HSPA2: variants seen among roughly 807,000 people sequenced by gnomAD.
The protein encoded by HSPA2 is heat shock-related 70 kDa protein 2.
Under a neutral mutation model 35.0 loss-of-function variants are expected in HSPA2, and 13 were observed. The ratio of observed to expected loss-of-function variants is 0.37; its 90% CI spans 0.24 to 0.59. The LOEUF is 0.59. Among genes scored for constraint, HSPA2 ranks in the 20% least tolerant of loss-of-function variants. HSPA2 has a pLI of 0.70. For missense variants in HSPA2, 565 were observed against 885.4 expected (o/e 0.64, Z 4.59); for synonymous variants, 368 against 382.1 (o/e 0.96, Z 0.43).
chr14:64,541,273 A>G lies in HSPA2; in HGVS notation c.424A>G (p.Ser142Gly). 4 of 1,613,506 alleles carry G rather than the reference A, an allele frequency of 2.5e-6. No individual in the cohort carries two copies. The highest frequency in any genetic ancestry group is 3.4e-6 in the Non-Finnish European group (4 of 1,179,790). Residue 142 changes from serine to glycine, a missense_variant, in exon 1 of 1, where the codon AGC (serine) becomes GGC (glycine). Around this residue, in one of 4 missense-constraint regions of HSPA2, gnomAD observed 183 missense variants for 281.6 expected, o/e 0.65. Coordinates refer to ENST00000247207, the MANE Select transcript of HSPA2 (RefSeq NM_021979.4). ...AGCCTACCTGGGGGGCAAGGTGCAC[A>G]GCGCGGTCATAACGGTCCCGGCCTA... is the stretch of plus-strand genomic sequence containing the variant. The part of the protein sequence containing the change: ...AEAYLGGKVH[S>G]AVITVPAYFN...
chr14:64,539,537 C>A (rs926264148), upstream of HSPA2, among the ~76,000 whole-genome samples: 10 of 152,286 alleles, frequency 6.6e-5, no homozygotes, highest in Admixed American at 4.6e-4. Context: ...AAGAGTGAGG[C>A]AGGAAGGGTT....
At chr14:64,538,280 C>T (rs2079994657), upstream of HSPA2, among the ~76,000 whole-genome samples, 1 of 152,172 alleles carries the variant, frequency 6.6e-6, no homozygotes, top group South Asian at 2.1e-4. Context: ...TTTTCTCCAG[C>T]GCCATTTCAT....
chr14:64,541,014 C>T lies in HSPA2; in HGVS notation c.165C>T (p.Ala55=), dbSNP rs763199500. 8.7e-6 allele frequency: 14 copies of T among 1,614,068 alleles called. No individual in the cohort carries two copies. The highest frequency in any genetic ancestry group is 8.3e-5 in the Admixed American group (5 of 60,014). The change falls in exon 1 of 1, where the codon GCC becomes GCT. Residue 55 remains alanine, a synonymous_variant. Coordinates refer to ENST00000247207, the MANE Select transcript of HSPA2 (RefSeq NM_021979.4). The part of the protein sequence containing the change: ...FTDTERLIGD[A]AKNQVAMNPT... The stretch of plus-strand genomic sequence containing the variant: ...ACACCGAGCGCCTCATCGGCGACGC[C>T]GCCAAGAACCAGGTGGCCATGAACC...
At position 64,542,945 on chromosome 14, in the gene HSPA2, GTT is replaced by G; in HGVS notation, c.*181_*182del. 1 of 1,160,040 alleles carries G rather than the reference GTT, an allele frequency of 8.6e-7. No homozygotes were observed. Among genetic ancestry groups the G allele is most frequent in the Non-Finnish European group, 1.2e-6 (1 of 841,516 alleles). 71.9% of individuals were successfully genotyped at this position (1,160,040 alleles called of 1,614,324 possible). ...TTTAATTATAAAAGTTCCAAAGTTT[GTT>G]TTTTAAAAACATTATTCGAGGTTTC... is the stretch of plus-strand genomic sequence containing the variant. On this transcript the variant is annotated 3_prime_UTR_variant, in exon 1 of 1. Transcript: ENST00000247207. This position sits in a 1 kb window ranked among gnomAD's most constrained non-coding sequence, Gnocchi z 5.7.
Position 64,541,368 on chromosome 14 carries a change from C to A in HSPA2, c.519C>A (p.Ile173=), listed in dbSNP as rs145441361. ...GTITGLNVLR[I]INEPTAAAIA... ...TCACGGGGCTCAATGTGCTGCGCAT[C>A]ATCAACGAGCCCACGGCGGCGGCCA... The change falls in exon 1 of 1, where the codon ATC becomes ATA. Residue 173 remains isoleucine, a synonymous_variant. Transcript: ENST00000247207. 6.6e-5 allele frequency: 107 copies of A among 1,613,678 alleles called. No individual in the cohort carries two copies. The highest frequency in any genetic ancestry group is 8.6e-5 in the Non-Finnish European group (101 of 1,180,054).
At position 64,540,804 on chromosome 14, in the gene HSPA2, A is replaced by C. The variant is rs1193350199; in HGVS notation, c.-46A>C. 2 of 1,602,448 alleles carry C rather than the reference A, an allele frequency of 1.2e-6. No homozygotes were observed. The highest frequency in any genetic ancestry group is 1.3e-5 in the African/African-American group (1 of 74,758). Reference sequence around the variant, plus strand: ...GCCGTTAGTTGACTCCGCGGAGTTCATCTCCCTGGTTTTCCCGTCCTAACG... The same window carrying C: ...GCCGTTAGTTGACTCCGCGGAGTTCCTCTCCCTGGTTTTCCCGTCCTAACG... On this transcript the variant is annotated 5_prime_UTR_variant, in exon 1 of 1. Coordinates refer to ENST00000247207, the MANE Select transcript of HSPA2 (RefSeq NM_021979.4).
In HSPA2 at chr14:64,542,817, T is replaced by TC. The variant is rs749197869; in HGVS notation, c.*48_*49insC. On this transcript the variant is annotated 3_prime_UTR_variant, in exon 1 of 1. Coordinates refer to ENST00000247207, the MANE Select transcript of HSPA2 (RefSeq NM_021979.4). The surrounding 1 kb of genome is among the most constrained non-coding windows in gnomAD (Gnocchi z 5.7). ...ACCTCTTTGCCTTTCTCTCTCTCTC[T>TC]TTTTTTTTGTTTGTTTCTTTGAAAT... 2.0e-4 allele frequency: 274 copies of TC among 1,346,690 alleles called. No homozygotes were observed. The East Asian group carries it at 4.7e-3, about 23-fold the overall frequency. The allele number at this position is 1,346,690 out of a possible 1,614,324, so 83.4% of individuals were successfully genotyped here. A position where few individuals can be genotyped will look rare whatever the true frequency, so the allele number is the denominator to read the frequency against.
In HSPA2 at chr14:64,540,820, C is replaced by T. The variant is rs754795273; in HGVS notation, c.-30C>T. 2.5e-6 allele frequency: 4 copies of T among 1,608,904 alleles called. No homozygotes were observed. The highest frequency in any genetic ancestry group is 1.3e-5 in the African/African-American group (1 of 74,836). ...GCGGAGTTCATCTCCCTGGTTTTCCCGTCCTAACGTCGCTCGCCTTTCAGT... is the reference window on the plus strand; with the variant it reads ...GCGGAGTTCATCTCCCTGGTTTTCCTGTCCTAACGTCGCTCGCCTTTCAGT... On this transcript the variant is annotated 5_prime_UTR_variant, in exon 1 of 1. Coordinates refer to ENST00000247207, the MANE Select transcript of HSPA2 (RefSeq NM_021979.4).
Position 64,542,634 on chromosome 14 carries a change from T to G in HSPA2, c.1785T>G (p.Tyr595Ter). ...DRNQMAEKDEYEHKQKELERV... is the reference protein window; with the variant it reads ...DRNQMAEKDE ...ACCAGATGGCAGAGAAAGATGAGTA[T>G]GAACACAAGCAGAAAGAGCTCGAAA... is the stretch of plus-strand genomic sequence containing the variant. Residue 595 changes from tyrosine (Y) to a stop codon, truncating the protein, a stop_gained, in exon 1 of 1, where the codon TAT becomes TAG. Coordinates refer to ENST00000247207, the MANE Select transcript of HSPA2 (RefSeq NM_021979.4). LOFTEE classifies it high-confidence loss of function. The surrounding 1 kb of genome is among the most constrained non-coding windows in gnomAD (Gnocchi z 5.7). The G allele has an allele frequency of 6.2e-7, 1 of 1,613,836 alleles. No individual in the cohort carries two copies. The highest frequency in any genetic ancestry group is 8.5e-7 in the Non-Finnish European group (1 of 1,179,986).
rs747634703 is a variant in HSPA2 at position 64,541,930 on chromosome 14, G to A, written c.1081G>A (p.Glu361Lys). The change falls in exon 1 of 1, where the codon GAG becomes AAG. Residue 361 changes from glutamate (E) to lysine (K), a missense_variant. Glu to Lys is a moderately conservative substitution (Grantham distance 56). Around this residue, in one of 4 missense-constraint regions of HSPA2, gnomAD observed 234 missense variants for 419.0 expected, o/e 0.56. Coordinates refer to ENST00000247207, the MANE Select transcript of HSPA2 (RefSeq NM_021979.4). ...KLLQDFFNGK[E>K]LNKSINPDEA... is the part of the protein sequence containing the mutation. ...GCTGCAGGATTTCTTCAACGGCAAGGAGCTGAACAAGAGCATCAACCCCGA... is the reference window on the plus strand; with the variant it reads ...GCTGCAGGATTTCTTCAACGGCAAGAAGCTGAACAAGAGCATCAACCCCGA... 2.5e-6 allele frequency: 4 copies of A among 1,613,496 alleles called. No individual in the cohort carries two copies. The East Asian group carries it at 8.9e-5, about 36-fold the overall frequency.
upstream of HSPA2, chr14:64,535,998 T>G (rs2079978902): frequency 6.8e-6 from 1 of 146,750 alleles, no homozygotes; most frequent in East Asian, 2.0e-4. Context: ...AACCTTTTTT[T>G]CCCTTATAGA....
At chr14:64,538,139 A>C (rs988803014), upstream of HSPA2, among the ~76,000 whole-genome samples, 1 of 152,252 alleles carries the variant, frequency 6.6e-6, no homozygotes, top group Non-Finnish European at 1.5e-5. Flanking sequence ...ACCGATTAAT[A>C]ACCAATTATG....
chr14:64,539,642 G>A (rs1412295134), upstream of HSPA2, among the ~76,000 whole-genome samples: 1 of 152,106 alleles, frequency 6.6e-6, no homozygotes, highest in Non-Finnish European at 1.5e-5. Flanking sequence ...GGTCGGCCTC[G>A]CCCTGGGCTC....
Position 64,542,499 on chromosome 14 carries a change from C to CA in HSPA2, c.1652dup (p.Asn551LysfsTer16), listed in dbSNP as rs2080041853. On this transcript the variant is annotated frameshift_variant, in exon 1 of 1. Coordinates refer to ENST00000247207, the MANE Select transcript of HSPA2 (RefSeq NM_021979.4). LOFTEE classifies it high-confidence loss of function. This position sits in a 1 kb window ranked among gnomAD's most constrained non-coding sequence, Gnocchi z 5.7. Reference sequence around the variant, plus strand: ...AAAACGCCCTGGAGTCCTATACCTACAACATCAAGCAGACGGTGGAAGACG... The same window carrying CA: ...AAAACGCCCTGGAGTCCTATACCTACAAACATCAAGCAGACGGTGGAAGACG... The CA allele has an allele frequency of 6.2e-7, 1 of 1,613,336 alleles. No homozygotes were observed. The highest frequency in any genetic ancestry group is 1.3e-5 in the African/African-American group (1 of 74,742).
At chr14:64,540,519 G>A (rs1256614435), upstream of HSPA2, 4 of 338,570 alleles carry the variant, frequency 1.2e-5, no homozygotes, top group Non-Finnish European at 2.2e-5. Context: ...GAGAGTCAGG[G>A]AGGAACCTCA....
chr14:64,541,078 C>T lies in HSPA2; in HGVS notation c.229C>T (p.Arg77Trp). Residue 77 changes from arginine (R) to tryptophan (W), a missense_variant, in exon 1 of 1, where the codon CGG (arginine) becomes TGG (tryptophan). By Grantham distance (101) the Arg-to-Trp change is moderately radical (BLOSUM62 -3). Around this residue, in one of 4 missense-constraint regions of HSPA2, gnomAD observed 183 missense variants for 281.6 expected, o/e 0.65. Transcript: ENST00000247207. ...TIFDAKRLIGRKFEDATVQSD... is the reference protein window; with the variant it reads ...TIFDAKRLIGWKFEDATVQSD... ...CTTCGACGCCAAGAGGCTGATTGGA[C>T]GGAAATTCGAGGATGCCACAGTGCA... 10 of 1,614,220 alleles carry T rather than the reference C, an allele frequency of 6.2e-6. No homozygotes were observed. The highest frequency in any genetic ancestry group is 8.5e-6 in the Non-Finnish European group (10 of 1,180,048).
chr14:64,540,729 G>T, upstream of HSPA2: 4 of 1,446,972 alleles, frequency 2.8e-6, no homozygotes, highest in Non-Finnish European at 3.7e-6. Context: ...CGGGAACTGG[G>T]CGCGGGGAGC....
upstream of HSPA2, among the ~76,000 whole-genome samples, chr14:64,539,545 G>A (rs1287044138): frequency 6.6e-6 from 1 of 152,230 alleles, no homozygotes; most frequent in African/African-American, 2.4e-5. Flanking sequence ...GGCAGGAAGG[G>A]TTTAAATGCA....
chr14:64,540,535 A>G (rs1184115624), upstream of HSPA2: 3 of 397,004 alleles, frequency 7.6e-6, no homozygotes, highest in Non-Finnish European at 1.4e-5. Context: ...CCTCATTTAC[A>G]TAACGGCCGC....
Sources: allele counts gnomAD v4.1 joint callset (sites outside exome capture counted in the v4.1 genomes callset), GRCh38; gene constraint gnomAD v4.1.1; regional missense constraint gnomAD v4.1.1; non-coding constraint Gnocchi (gnomAD v3.1); transcripts MANE v1.5; gene names NCBI Gene and HGNC (gene_info 2026-07-23, HGNC 2026-07-21).